The following PPM1H variants were observed in gnomAD, a reference collection of about 807,000 sequenced individuals.
The protein encoded by PPM1H is protein phosphatase, Mg2+/Mn2+ dependent 1H.
Under a neutral mutation model 54.9 loss-of-function variants are expected in PPM1H, and 27 were observed. The ratio of observed to expected loss-of-function variants is 0.49; its 90% CI spans 0.36 to 0.68. The LOEUF is 0.68. Among genes scored for constraint, PPM1H ranks in the 30% least tolerant of loss-of-function variants. PPM1H has a pLI of 0.00. For missense variants in PPM1H, 596 were observed against 667.8 expected (o/e 0.89, Z 1.19); for synonymous variants, 305 against 270.8 (o/e 1.13, Z -1.24).
intron 9 of PPM1H, among the ~76,000 whole-genome samples, chr12:62,650,320 G>A (rs1384258120): frequency 6.6e-6 from 1 of 152,010 alleles, no homozygotes; most frequent in African/African-American, 2.4e-5. Flanking sequence ...TAGAGGATGG[G>A]GTAGTAGGTG....
chr12:62,706,339 C>T (rs576652967), intron 6 of PPM1H, among the ~76,000 whole-genome samples: 11 of 152,274 alleles, frequency 7.2e-5, no homozygotes, highest in South Asian at 2.1e-4. Flanking sequence ...AGGCAAGAAG[C>T]GCAGGCCTGA....
intron 1 of PPM1H, among the ~76,000 whole-genome samples, chr12:62,894,843 C>T (rs1870926242): frequency 6.6e-6 from 1 of 152,188 alleles, no homozygotes; most frequent in Non-Finnish European, 1.5e-5. Flanking sequence ...TTCAATAAAA[C>T]ACACAAAAAT....
intron 8 of PPM1H, among the ~76,000 whole-genome samples, chr12:62,670,588 C>G (rs988059038): frequency 6.6e-6 from 1 of 152,126 alleles, no homozygotes; most frequent in Non-Finnish European, 1.5e-5. Flanking sequence ...CTTGTCCACA[C>G]TCAAATGGAA....
chr12:62,856,866 A>G (rs1565811193), intron 1 of PPM1H, among the ~76,000 whole-genome samples: 1 of 152,184 alleles, frequency 6.6e-6, no homozygotes, highest in Non-Finnish European at 1.5e-5. Flanking sequence ...GGTGATCACA[A>G]GAGCAGGAAA....
chr12:62,876,852 T>C (rs549248072), intron 1 of PPM1H, among the ~76,000 whole-genome samples: 10 of 152,324 alleles, frequency 6.6e-5, no homozygotes, highest in East Asian at 1.9e-4. Flanking sequence ...GTTTTCTCCA[T>C]TGTACCCAGT....
intron 5 of PPM1H, among the ~76,000 whole-genome samples, chr12:62,733,010 C>T (rs959862341): frequency 5.3e-5 from 8 of 152,134 alleles, no homozygotes; most frequent in South Asian, 2.1e-4. Context: ...TAGGATTACA[C>T]GCACTTAAAA....
At chr12:62,703,080 A>T (rs2076153007) in intron 6 of PPM1H, among the ~76,000 whole-genome samples, 2 of 152,204 alleles carry the variant, frequency 1.3e-5, no homozygotes, top group Admixed American at 6.5e-5. Flanking sequence ...AGTTGTGGCT[A>T]TTAAGGTCTT....
At chr12:62,847,000 C>T (rs1221720524) in intron 1 of PPM1H, among the ~76,000 whole-genome samples, 1 of 152,146 alleles carries the variant, frequency 6.6e-6, no homozygotes, top group Non-Finnish European at 1.5e-5. Flanking sequence ...TCCCTTTCTC[C>T]TAGACATCAT....
chr12:62,738,978 G>C (rs1175856471), intron 4 of PPM1H, among the ~76,000 whole-genome samples: 4 of 151,858 alleles, frequency 2.6e-5, no homozygotes, highest in East Asian at 3.9e-4. Flanking sequence ...ACGGGAAAGT[G>C]GGGGGTCGGG....
chr12:62,655,417 T>C (rs1043816154), intron 9 of PPM1H, among the ~76,000 whole-genome samples: 1 of 152,206 alleles, frequency 6.6e-6, no homozygotes, highest in African/African-American at 2.4e-5. Flanking sequence ...GCCCCCATTG[T>C]ATTCTCCAAT....
intron 9 of PPM1H, among the ~76,000 whole-genome samples, chr12:62,654,403 G>A (rs568668143): frequency 7.2e-5 from 11 of 152,246 alleles, no homozygotes; most frequent in Admixed American, 3.3e-4. Flanking sequence ...GCGTACTTCA[G>A]TAAGCACACT....
rs574880771 is a variant in PPM1H, at chr12:62,795,795, C to T, written c.756+6021G>A. ...AGGCTAGGGTGCAGTGGTGTGATCT[C>T]GGCTCACTGCGACCTCTGCCTCCGG... On this transcript the variant is annotated intron_variant, in intron 3 of 9. Coordinates refer to ENST00000228705, the MANE Select transcript of PPM1H (RefSeq NM_020700.2). Among the ~76,000 whole-genome samples, 5 of 151,486 alleles carry T rather than the reference C, an allele frequency of 3.3e-5. No homozygotes were observed. The South Asian group carries it at 1.0e-3, about 32-fold the overall frequency.
At chr12:62,756,127 T>C (rs999873202) in intron 4 of PPM1H, 9 of 869,668 alleles carry the variant, frequency 1.0e-5, no homozygotes, top group Admixed American at 5.1e-5. Flanking sequence ...GGGGATGGCA[T>C]TGACCTCAAC....
chr12:62,933,671 A>G (rs1275911722), intron 1 of PPM1H, among the ~76,000 whole-genome samples: 1 of 152,152 alleles, frequency 6.6e-6, no homozygotes, highest in East Asian at 1.9e-4. Context: ...GATGGTTATT[A>G]ATAGTCAGTG....
chr12:62,685,784 C>CA (rs2076047672), intron 8 of PPM1H, among the ~76,000 whole-genome samples: 1 of 152,034 alleles, frequency 6.6e-6, no homozygotes, highest in Non-Finnish European at 1.5e-5. Context: ...GTTCTCACCA[C>CA]AAAAAATGAT....
chr12:62,780,323 A>G (rs77643350), intron 4 of PPM1H, among the ~76,000 whole-genome samples: 6,483 of 152,048 alleles, frequency 0.043, 197 homozygotes, highest in East Asian at 0.087. Context: ...TTTTTTGGTG[A>G]CAGGGTCTCA....
At chr12:62,848,158 G>T (rs1869044498) in intron 1 of PPM1H, among the ~76,000 whole-genome samples, 1 of 152,090 alleles carries the variant, frequency 6.6e-6, no homozygotes, top group Admixed American at 6.5e-5. Context: ...TTGTATGCTG[G>T]TTGCAAAATA....
intron 1 of PPM1H, among the ~76,000 whole-genome samples, chr12:62,887,449 A>G (rs148771925): frequency 2.0e-5 from 3 of 152,188 alleles, no homozygotes; most frequent in Admixed American, 6.5e-5. Flanking sequence ...ACAATTGCCA[A>G]TGCTTATTGA....
chr12:62,891,455 C>A (rs1046218551), intron 1 of PPM1H, among the ~76,000 whole-genome samples: 9 of 152,298 alleles, frequency 5.9e-5, no homozygotes, highest in African/African-American at 1.7e-4. Flanking sequence ...CAACCATGTA[C>A]CTACATGAAA....
Sources: allele counts gnomAD v4.1 joint callset (sites outside exome capture counted in the v4.1 genomes callset), GRCh38; gene constraint gnomAD v4.1.1; transcripts MANE v1.5; gene names NCBI Gene and HGNC (gene_info 2026-07-23, HGNC 2026-07-21).